The following CNTNAP4 variants were observed in gnomAD, a reference collection of about 807,000 sequenced individuals.
The protein encoded by CNTNAP4 is contactin associated protein family member 4.
CNTNAP4 carries 98 observed loss-of-function variants against 148.4 expected under a neutral mutation model. The ratio of observed to expected loss-of-function variants is 0.66; its 90% CI spans 0.56 to 0.78. The LOEUF (loss-of-function observed/expected upper bound fraction) is 0.78. CNTNAP4 is among the 30% of genes least tolerant of loss of function. CNTNAP4 has a pLI of 0.00. For synonymous variants in CNTNAP4, 730 were observed against 565.1 expected (o/e 1.29, Z -4.14); for missense variants, 1,935 against 1,565.6 (o/e 1.24, Z -3.98).
chr16:76,521,129 T>C lies in CNTNAP4; in HGVS notation c.2366-11T>C, dbSNP rs771841700. 2.8e-5 allele frequency: 42 copies of C among 1,520,790 alleles called. No individual in the cohort carries two copies. The highest frequency in any genetic ancestry group is 1.7e-4 in the East Asian group (7 of 42,166). 94.2% of individuals were successfully genotyped at this position (1,520,790 alleles called of 1,614,324 possible). A position where few individuals can be genotyped will look rare whatever the true frequency, so the allele number is the denominator to read the frequency against. On this transcript the variant is annotated splice_polypyrimidine_tract_variant and intron_variant, in intron 15 of 23. Transcript: ENST00000611870. The stretch of plus-strand genomic sequence containing the variant: ...CTGAATTTTTTTTTCTTTTTTTTTT[T>C]CACAAAACAGGATCATTTTGGAATT...
intron 3 of CNTNAP4, among the ~76,000 whole-genome samples, chr16:76,403,352 C>A (rs1467194876): frequency 6.6e-6 from 1 of 152,110 alleles, no homozygotes; most frequent in East Asian, 1.9e-4. Context: ...CTCGGCCTCC[C>A]AAAGGGCTGG....
chr16:76,332,709 G>A (rs1271197074), intron 2 of CNTNAP4, among the ~76,000 whole-genome samples: 1 of 145,636 alleles, frequency 6.9e-6, no homozygotes, highest in Non-Finnish European at 1.5e-5. Context: ...CTTAGATTCT[G>A]TTCATTTTTT....
At chr16:76,467,225 C>G in intron 9 of CNTNAP4, 127 bp from the exon 10 acceptor site, 1 of 772,792 alleles carries the variant, frequency 1.3e-6, no homozygotes, top group Non-Finnish European at 2.0e-6. Flanking sequence ...TGACTGCAGT[C>G]ATTATTCCCT....
At chr16:76,381,615 C>T (rs1191826063) in intron 3 of CNTNAP4, among the ~76,000 whole-genome samples, 1 of 152,022 alleles carries the variant, frequency 6.6e-6, no homozygotes, top group African/African-American at 2.4e-5. Flanking sequence ...TTACCTCTAC[C>T]CCTCACATTT....
intron 3 of CNTNAP4, among the ~76,000 whole-genome samples, chr16:76,425,126 G>T (rs2079337415): frequency 6.6e-6 from 1 of 152,076 alleles, no homozygotes; most frequent in Admixed American, 6.6e-5. Context: ...AATATCCATG[G>T]AATTAAACAA....
chr16:76,401,474 A>C (rs1207396213), intron 3 of CNTNAP4, among the ~76,000 whole-genome samples: 2 of 152,124 alleles, frequency 1.3e-5, no homozygotes, highest in Non-Finnish European at 2.9e-5. Context: ...CTAGATATAG[A>C]ATCATGTCAT....
Position 76,449,836 on chromosome 16 carries a change from A to G in CNTNAP4, c.1049A>G (p.Gln350Arg), listed in dbSNP as rs765789732. The G allele has an allele frequency of 6.2e-7, 1 of 1,607,852 alleles. No individual in the cohort carries two copies. The highest frequency in any genetic ancestry group is 8.5e-7 in the Non-Finnish European group (1 of 1,177,374). Residue 350 changes from glutamine (Q) to arginine (R), a missense_variant, in exon 7 of 24, where the codon CAA becomes CGA. Physicochemically the swap from Gln to Arg is conservative, Grantham distance 43. Transcript: ENST00000611870. ...GATATCATTGATTTGGCCAAGCAGCAAAAACCACAGATCATTGCTATGGTG... is the reference window on the plus strand; with the variant it reads ...GATATCATTGATTTGGCCAAGCAGCGAAAACCACAGATCATTGCTATGGTG... Reference protein sequence around the residue: ...GVDIIDLAKQQKPQIIAMGNV... With the variant: ...GVDIIDLAKQRKPQIIAMGNV...
At chr16:76,455,156 A>G (rs1162584751) in intron 8 of CNTNAP4, among the ~76,000 whole-genome samples, 1 of 152,230 alleles carries the variant, frequency 6.6e-6, no homozygotes, top group Non-Finnish European at 1.5e-5. Flanking sequence ...ATGACACAAA[A>G]TATTTTTAGT....
chr16:76,489,681 A>T lies in CNTNAP4; in HGVS notation c.1883-5A>T. On this transcript the variant is annotated splice_region_variant and splice_polypyrimidine_tract_variant and intron_variant, in intron 12 of 23. Transcript: ENST00000611870. ...TCTCTTTCTCCCCCCATTTCTGCAT[A>T]CAAGAAACTGCATGGACCATCATAC... 1 of 1,525,298 alleles carries T rather than the reference A, an allele frequency of 6.6e-7. No homozygotes were observed. Among genetic ancestry groups the T allele is most frequent in the Non-Finnish European group, 8.9e-7 (1 of 1,122,984 alleles). 94.5% of individuals were successfully genotyped at this position (1,525,298 alleles called of 1,614,324 possible).
Position 76,501,758 on chromosome 16 carries a change from G to A in CNTNAP4, c.2365+3064G>A, listed in dbSNP as rs369700515. ...CTACTGTGACCATGGGAATACAGAG[G>A]GGAGCTACTACATTAGCACTAAGAA... On this transcript the variant is annotated intron_variant, in intron 15 of 23. Transcript: ENST00000611870. 1.3e-4 allele frequency among the ~76,000 whole-genome samples: 20 copies of A among 152,222 alleles called. No individual in the cohort carries two copies. The East Asian group carries it at 3.3e-3, about 25-fold the overall frequency.
intron 3 of CNTNAP4, among the ~76,000 whole-genome samples, chr16:76,356,898 T>A (rs2012722628): frequency 6.6e-6 from 1 of 152,122 alleles, no homozygotes; most frequent in Middle Eastern, 3.2e-3. Context: ...TGCTTATTGA[T>A]GTAAATTGAA....
chr16:76,313,770 TA>T lies in CNTNAP4; in HGVS notation c.86-2639del, dbSNP rs201216778. Among the ~76,000 whole-genome samples the T allele has an allele frequency of 5.9e-5, 9 of 152,328 alleles. No individual in the cohort carries two copies. In the East Asian group the frequency reaches 1.7e-3, roughly 29 times the overall value. On this transcript the variant is annotated intron_variant, in intron 1 of 23. Coordinates refer to ENST00000611870, the MANE Select transcript of CNTNAP4 (RefSeq NM_033401.5). Reference sequence around the variant, plus strand: ...TTAGGTTCATGTATAATAAACTTAATAAAATTTCAGGTGAATCTAGATAATT... The same window carrying T: ...TTAGGTTCATGTATAATAAACTTAATAAATTTCAGGTGAATCTAGATAATT...
intron 10 of CNTNAP4, among the ~76,000 whole-genome samples, chr16:76,470,680 A>G (rs1420636026): frequency 1.3e-5 from 2 of 151,586 alleles, no homozygotes; most frequent in Admixed American, 1.3e-4. Context: ...ACAAAAAACC[A>G]GGAAGTAACA....
At chr16:76,392,029 C>T (rs377391768) in intron 3 of CNTNAP4, among the ~76,000 whole-genome samples, 18 of 152,112 alleles carry the variant, frequency 1.2e-4, no homozygotes, top group African/African-American at 3.9e-4. Context: ...CTCCCTCTGT[C>T]GCCCAGGCTG....
At chr16:76,511,845 G>GAGAGAGAGAGAC (rs1345705238) in intron 15 of CNTNAP4, among the ~76,000 whole-genome samples, 1 of 151,274 alleles carries the variant, frequency 6.6e-6, no homozygotes, top group Admixed American at 6.6e-5. Context: ...CTTGGAGAGA[G>GAGAGAGAGAGAC]AGAGAGAGAG....
chr16:76,415,723 C>A (rs974144556), intron 3 of CNTNAP4, among the ~76,000 whole-genome samples: 2 of 151,124 alleles, frequency 1.3e-5, no homozygotes, highest in Admixed American at 1.3e-4. Flanking sequence ...CTCATCACAC[C>A]CTGACCCTGG....
chr16:76,388,597 G>GT (rs2016703793), intron 3 of CNTNAP4, among the ~76,000 whole-genome samples: 1 of 152,172 alleles, frequency 6.6e-6, no homozygotes, highest in Non-Finnish European at 1.5e-5. Context: ...CTGTAATACT[G>GT]TGATTTGTAA....
intron 3 of CNTNAP4, among the ~76,000 whole-genome samples, chr16:76,413,703 T>A (rs916695130): frequency 6.6e-5 from 10 of 151,518 alleles, no homozygotes; most frequent in Admixed American, 4.6e-4. Context: ...GTAGAATCTA[T>A]ATATTAATTT....
intron 3 of CNTNAP4, among the ~76,000 whole-genome samples, chr16:76,425,499 G>A (rs2079355610): frequency 6.6e-6 from 1 of 152,088 alleles, no homozygotes; most frequent in Non-Finnish European, 1.5e-5. Context: ...TGTTTTCTAG[G>A]AGGATAAGAT....
Sources: gnomAD v4.1 joint callset for allele counts (sites outside exome capture counted in the v4.1 genomes callset) on GRCh38, gnomAD v4.1.1 for gene constraint, MANE v1.5 for transcripts, NCBI Gene and HGNC (gene_info 2026-07-23, HGNC 2026-07-21) for gene names.